DNAH5: variants seen among roughly 807,000 people sequenced by gnomAD.
DNAH5 encodes axonemal beta dynein heavy chain 5.
DNAH5 carries 372 observed loss-of-function variants against 518.2 expected under a neutral mutation model. The observed-to-expected ratio is 0.72, with a 90% CI of 0.66 to 0.78. DNAH5 has a LOEUF of 0.78. Ranked by LOEUF, DNAH5 falls within the 30% of genes least tolerant of loss-of-function variation. DNAH5 has a pLI of 0.00. For synonymous variants in DNAH5, 2,039 were observed against 2,025.9 expected (o/e 1.01, Z -0.17); for missense variants, 5,523 against 5,687.0 (o/e 0.97, Z 0.93).
At chr5:13,846,781 G>C (rs1035188574) in intron 31 of DNAH5, among the ~76,000 whole-genome samples, 17 of 152,134 alleles carry the variant, frequency 1.1e-4, no homozygotes, top group Admixed American at 2.6e-4. Context: ...GATGGGATTT[G>C]TTCACTTTGG....
At chr5:13,929,484 G>GTGTATTTACTACGTTAAGATGGTGAATT (rs1447893728) in intron 2 of DNAH5, among the ~76,000 whole-genome samples, 2 of 43,758 alleles carry the variant, frequency 4.6e-5, no homozygotes, top group Non-Finnish European at 8.5e-5. Context: ...TGAATTTTAT[G>GTGTATTTACTACGTTAAGATGGTGAATT]TTATGTGTAT....
chr5:14,009,378 G>T (rs920227258), intron 1 of DNAH5, among the ~76,000 whole-genome samples: 2 of 152,154 alleles, frequency 1.3e-5, no homozygotes, highest in African/African-American at 4.8e-5. Context: ...CAGGCACCTG[G>T]GGAAAACAAA....
chr5:13,915,386 TA>T lies in DNAH5; in HGVS notation c.1198-745del, dbSNP rs1161931344. 2.0e-5 allele frequency among the ~76,000 whole-genome samples: 3 copies of T among 152,296 alleles called. No homozygotes were observed. The Middle Eastern group carries it at 0.01, about 518-fold the overall frequency. On this transcript the variant is annotated intron_variant, in intron 9 of 78. Coordinates refer to ENST00000265104, the MANE Select transcript of DNAH5 (RefSeq NM_001369.3). The stretch of plus-strand genomic sequence containing the variant: ...TCCATAATGAAAGGTTTTTTACAAT[TA>T]GATAAATGGTGGTTTCATTATTTTA...
intron 22 of DNAH5, among the ~76,000 whole-genome samples, chr5:13,872,517 G>A (rs113856169): frequency 0.015 from 2,240 of 152,172 alleles, 54 homozygotes; most frequent in African/African-American, 0.05. Flanking sequence ...TTTCAATGCT[G>A]TTGTCATTGT....
At chr5:13,697,175 C>T (rs1293887615) in intron 78 of DNAH5, among the ~76,000 whole-genome samples, 1 of 152,114 alleles carries the variant, frequency 6.6e-6, no homozygotes, top group Non-Finnish European at 1.5e-5. Context: ...TATGACAAAG[C>T]AATTTTTCTA....
rs547156840 is a variant in DNAH5, at chr5:13,765,322, T to C, written c.10101+654A>G. Among the ~76,000 whole-genome samples, 3 of 152,322 alleles carry C rather than the reference T, an allele frequency of 2.0e-5. No individual in the cohort carries two copies. In the South Asian group the frequency reaches 6.2e-4, roughly 32 times the overall value. On this transcript the variant is annotated intron_variant, in intron 59 of 78. Transcript: ENST00000265104. ...TATAACAATGAAAAAAGAAAGACTG[T>C]CATTTGCAACAATAAGAATGAATTT...
rs1742145843 is a variant in DNAH5 at position 13,701,729 on chromosome 5, T to C, written c.13339-293A>G. 3.9e-5 allele frequency among the ~76,000 whole-genome samples: 6 copies of C among 152,224 alleles called. No homozygotes were observed. The South Asian group carries it at 1.0e-3, about 26-fold the overall frequency. On this transcript the variant is annotated intron_variant, in intron 76 of 78. Transcript: ENST00000265104. ...CTAACGTCAATTGAATCACTTTCCA[T>C]GTACCAATATATTCATCACTGACTC...
At chr5:13,812,919 T>C (rs2127034037) in intron 43 of DNAH5, among the ~76,000 whole-genome samples, 1 of 152,348 alleles carries the variant, frequency 6.6e-6, no homozygotes, top group South Asian at 2.1e-4. Flanking sequence ...TATTCATTAG[T>C]TCATGAATTT....
chr5:13,747,693 A>T (rs1346800991), intron 65 of DNAH5, among the ~76,000 whole-genome samples: 1 of 152,080 alleles, frequency 6.6e-6, no homozygotes, highest in African/African-American at 2.4e-5. Flanking sequence ...TTCTTTTGAG[A>T]AGTGTCTGTT....
chr5:13,753,553 A>C lies in DNAH5; in HGVS notation c.10556-4T>G. The C allele has an allele frequency of 6.2e-7, 1 of 1,611,484 alleles. No homozygotes were observed. The highest frequency in any genetic ancestry group is 1.1e-5 in the South Asian group (1 of 90,754). On this transcript the variant is annotated splice_polypyrimidine_tract_variant and splice_region_variant and intron_variant, in intron 62 of 78. Transcript: ENST00000265104. ...GCTGTAGCCAACAGTACATCCCCTA[A>C]AATAGAAAACAAACACCATTGAAAT...
At chr5:13,910,435 C>A (rs1232807837) in intron 12 of DNAH5, among the ~76,000 whole-genome samples, 1 of 152,198 alleles carries the variant, frequency 6.6e-6, no homozygotes, top group Non-Finnish European at 1.5e-5. Flanking sequence ...ATGACTCATT[C>A]TAACACTGAA....
At chr5:13,902,240 G>A in intron 12 of DNAH5, 102 bp from the exon 13 acceptor site, 3 of 804,552 alleles carry the variant, frequency 3.7e-6, no homozygotes, top group Non-Finnish European at 6.0e-6. Context: ...CATATAACAT[G>A]GAACAAAATG....
At chr5:13,907,911 G>C (rs893496709) in intron 12 of DNAH5, among the ~76,000 whole-genome samples, 4 of 152,188 alleles carry the variant, frequency 2.6e-5, no homozygotes, top group African/African-American at 9.7e-5. Flanking sequence ...GTATTAAATT[G>C]AGGAGACTAG....
chr5:13,742,298 C>T (rs538095661), intron 65 of DNAH5, among the ~76,000 whole-genome samples: 1 of 152,102 alleles, frequency 6.6e-6, no homozygotes, highest in South Asian at 2.1e-4. Context: ...AAACTTTTAC[C>T]TTTCTGCCCA....
chr5:13,779,281 C>A (rs1329857008), intron 53 of DNAH5, among the ~76,000 whole-genome samples: 2 of 152,198 alleles, frequency 1.3e-5, no homozygotes, highest in South Asian at 2.1e-4. Flanking sequence ...AGAATTATTT[C>A]TCTCTGTCCC....
chr5:13,767,130 G>C (rs72732618), intron 58 of DNAH5, among the ~76,000 whole-genome samples: 16,601 of 152,044 alleles, frequency 0.11, 1,039 homozygotes, highest in East Asian at 0.32. Context: ...TTTTGCTTTT[G>C]TTTTTTATTT....
At chr5:13,854,124 A>G (rs1767268639) in intron 30 of DNAH5, among the ~76,000 whole-genome samples, 1 of 152,162 alleles carries the variant, frequency 6.6e-6, no homozygotes, top group African/African-American at 2.4e-5. Context: ...AGCCAGAGAG[A>G]AATGTCGGGT....
intron 32 of DNAH5, among the ~76,000 whole-genome samples, chr5:13,842,206 C>T (rs1447069481): frequency 6.6e-6 from 1 of 151,538 alleles, no homozygotes; most frequent in Non-Finnish European, 1.5e-5. Flanking sequence ...ATGGTGAAAC[C>T]CTGTCTCTAC....
At chr5:13,972,465 C>T (rs1486707299) in intron 1 of DNAH5, among the ~76,000 whole-genome samples, 1 of 152,214 alleles carries the variant, frequency 6.6e-6, no homozygotes, top group East Asian at 1.9e-4. Context: ...CCCTGTGAAA[C>T]AAAGTCAGGA....
Sources: allele counts gnomAD v4.1 joint callset (sites outside exome capture counted in the v4.1 genomes callset), GRCh38; gene constraint gnomAD v4.1.1; transcripts MANE v1.5; gene names NCBI Gene and HGNC (gene_info 2026-07-23, HGNC 2026-07-21).